The following ATG16L2 variants were observed in gnomAD, a reference collection of about 807,000 sequenced individuals.
ATG16L2 encodes protein Atg16l2.
A neutral mutation model predicts 84.7 loss-of-function variants in ATG16L2; 77 were observed. That is an observed-to-expected ratio of 0.91 (90% CI 0.76 to 1.10). The LOEUF is 1.10. ATG16L2 is among the 50% of genes least tolerant of loss of function. The pLI, the probability that ATG16L2 is intolerant of heterozygous loss-of-function variation, is 0.00. For synonymous variants in ATG16L2, 361 were observed against 342.8 expected, an observed-to-expected ratio of 1.05 and a Z score of -0.59; for missense variants, 782 against 817.6, an observed-to-expected ratio of 0.96 and a Z score of 0.53.
chr11:72,828,592 C>A, intron 15 of ATG16L2, 84 bp downstream of exon 15: 6 of 1,596,810 alleles, frequency 3.8e-6, no homozygotes, highest in African/African-American at 1.3e-5. Context: ...CTCTTGGAGC[C>A]CTCCCTGGAG....
intron 5 of ATG16L2, chr11:72,838,937 C>G (rs1860818854): frequency 2.1e-6 from 3 of 1,445,074 alleles, no homozygotes; most frequent in Middle Eastern, 1.7e-4. Flanking sequence ...GAAGCATCCC[C>G]AAAACCTAAT....
intron 5 of ATG16L2, among the ~76,000 whole-genome samples, chr11:72,842,223 G>A (rs1860978946): frequency 2.0e-5 from 3 of 152,200 alleles, no homozygotes; most frequent in Non-Finnish European, 4.4e-5. Flanking sequence ...GCAGGACCTG[G>A]ACTAGGCAAG....
chr11:72,828,235 G>A lies in ATG16L2; in HGVS notation c.1473-124G>A, dbSNP rs75149850. The A allele has an allele frequency of 7.9e-3, 8,693 of 1,095,510 alleles. 51 individuals carry two copies. Among genetic ancestry groups the A allele is most frequent in the Middle Eastern group, 9.6e-3 (31 of 3,222 alleles). 67.9% of individuals were successfully genotyped at this position (1,095,510 alleles called of 1,614,324 possible). A position where few individuals can be genotyped will look rare whatever the true frequency, so the allele number is the denominator to read the frequency against. On this transcript the variant is annotated intron_variant, in intron 14 of 17. Coordinates refer to ENST00000321297, the MANE Select transcript of ATG16L2 (RefSeq NM_033388.2). ...AGTCACTCGCAGCCTTTACCCCAGCGATCCAGGGCCCTGGGGTTCCTCCGG... is the reference window on the plus strand; with the variant it reads ...AGTCACTCGCAGCCTTTACCCCAGCAATCCAGGGCCCTGGGGTTCCTCCGG...
intron 5 of ATG16L2, among the ~76,000 whole-genome samples, chr11:72,835,903 C>T (rs1344674060): frequency 1.3e-5 from 2 of 152,116 alleles, no homozygotes; most frequent in Non-Finnish European, 2.9e-5. Flanking sequence ...CATGAGCTAC[C>T]ATGCCCAGCC....
chr11:72,819,538 G>A (rs1859860781), intron 3 of ATG16L2, among the ~76,000 whole-genome samples: 1 of 152,164 alleles, frequency 6.6e-6, no homozygotes, highest in African/African-American at 2.4e-5. Flanking sequence ...TGGTTAGTGC[G>A]CTGTAGATCT....
intron 9 of ATG16L2, 38 bp from the exon 10 acceptor site, chr11:72,825,264 G>A (rs184563491): frequency 1.0e-4 from 155 of 1,541,330 alleles, no homozygotes; most frequent in South Asian, 3.7e-4. Flanking sequence ...AGACATGCGC[G>A]GGGAGGGCCG....
chr11:72,828,947 A>G lies in ATG16L2; in HGVS notation c.1735A>G (p.Thr579Ala). 6.2e-7 allele frequency: 1 copy of G among 1,614,012 alleles called. No individual in the cohort carries two copies. Among genetic ancestry groups the G allele is most frequent in the Non-Finnish European group, 8.5e-7 (1 of 1,180,004 alleles). The change falls in exon 17 of 18, where the codon ACC (threonine) becomes GCC (alanine). Residue 579 changes from threonine (T) to alanine (A), a missense_variant. By Grantham distance (58) the Thr-to-Ala change is moderately conservative (BLOSUM62 0). Transcript: ENST00000321297. ...GGCCCTTTACATCTGGGATGTGGAC[A>G]CCGGGAAACTGGAGAGCAGACTACA... is the stretch of plus-strand genomic sequence containing the variant. ...DGALYIWDVD[T>A]GKLESRLQGP...
chr11:72,823,279 T>C (rs573533915), intron 7 of ATG16L2: 3 of 351,082 alleles, frequency 8.5e-6, no homozygotes, highest in South Asian at 8.4e-5. Flanking sequence ...AGCCCAGTCA[T>C]GCCAGGCATG....
At chr11:72,826,303 G>GGTGGGGGCT (rs1244839412) in intron 11 of ATG16L2, 60 bp downstream of exon 11, 1 of 1,565,068 alleles carries the variant, frequency 6.4e-7, no homozygotes, top group East Asian at 2.3e-5. Flanking sequence ...ACACTGGGCA[G>GGTGGGGGCT]GTGGGGGCTG....
In ATG16L2 at chr11:72,822,382, G is replaced by GA; in HGVS notation, c.644+87_644+88insA. On this transcript the variant is annotated intron_variant, in intron 5 of 17. Transcript: ENST00000321297. The surrounding 1 kb of genome is among the most constrained non-coding windows in gnomAD (Gnocchi z 4.2). ...CCTCGCCGGTGTCTGGAAGGGAGGG[G>GA]GGCAGCAGCCGCCCCCTGGAGGAAG... 5 of 1,584,504 alleles carry GA rather than the reference G, an allele frequency of 3.2e-6. No individual in the cohort carries two copies. The Admixed American group carries it at 7.2e-5, about 23-fold the overall frequency.
At chr11:72,828,564 C>T in intron 15 of ATG16L2, 56 bp downstream of exon 15, 2 of 1,610,214 alleles carry the variant, frequency 1.2e-6, no homozygotes, top group Non-Finnish European at 8.5e-7. Flanking sequence ...CTGAGCCTCT[C>T]TTCTCCTGTA....
chr11:72,817,827 AG>A lies in ATG16L2; in HGVS notation c.292del (p.Glu98ArgfsTer128). ...VALRVKWQEEEEGLRLVCGEM... is the reference protein window; with the variant it reads ...VALRVKWQEEXEGLRLVCGEM... ...CTGAGGGTGAAGTGGCAGGAGGAGGAGGAGGGGCTCCGGCTGGTCTGTGGTG... is the reference window on the plus strand; with the variant it reads ...CTGAGGGTGAAGTGGCAGGAGGAGGAGAGGGGCTCCGGCTGGTCTGTGGTG... On this transcript the variant is annotated frameshift_variant, in exon 3 of 18. Coordinates refer to ENST00000321297, the MANE Select transcript of ATG16L2 (RefSeq NM_033388.2). LOFTEE classifies it high-confidence loss of function. 6.2e-7 allele frequency: 1 copy of A among 1,612,616 alleles called. No individual in the cohort carries two copies. The highest frequency in any genetic ancestry group is 8.5e-7 in the Non-Finnish European group (1 of 1,179,984).
At chr11:72,841,495 T>G in intron 5 of ATG16L2, 1 of 1,611,310 alleles carries the variant, frequency 6.2e-7, no homozygotes, top group Non-Finnish European at 8.5e-7. Context: ...GGAGCTCCTC[T>G]TATCTGGGCT....
intron 15 of ATG16L2, 86 bp from the exon 16 acceptor site, chr11:72,828,643 G>A (rs980174369): frequency 1.3e-5 from 21 of 1,596,508 alleles, no homozygotes; most frequent in South Asian, 4.5e-5. Flanking sequence ...CAAACCCCTC[G>A]ACAAAGAGGA....
At chr11:72,841,692 T>A in intron 5 of ATG16L2, 3 of 1,181,646 alleles carry the variant, frequency 2.5e-6, no homozygotes, top group Non-Finnish European at 3.5e-6. Flanking sequence ...CTAAGCTGAT[T>A]GTTGAAACTT....
intron 5 of ATG16L2, chr11:72,841,560 G>T: frequency 6.2e-7 from 1 of 1,609,374 alleles, no homozygotes; most frequent in Non-Finnish European, 8.5e-7. Flanking sequence ...GCAGGGAGGC[G>T]TGTGGCTTGG....
chr11:72,822,142 G>C lies in ATG16L2; in HGVS notation c.491G>C (p.Arg164Pro). The C allele has an allele frequency of 6.7e-7, 1 of 1,501,484 alleles. No homozygotes were observed. The highest frequency in any genetic ancestry group is 8.8e-7 in the Non-Finnish European group (1 of 1,134,802). 93.0% of individuals were successfully genotyped at this position (1,501,484 alleles called of 1,614,324 possible). The change falls in exon 5 of 18, where the codon CGG becomes CCG. Residue 164 changes from arginine (R) to proline (P), a missense_variant. By Grantham distance (103) the Arg-to-Pro change is moderately radical. Transcript: ENST00000321297. The surrounding 1 kb of genome is among the most constrained non-coding windows in gnomAD (Gnocchi z 4.2). ...TGGCGGGCGCAGAATGCGGTGCAGC[G>C]GGCAGCCTACGAGGCGCTGCGCGCG... is the stretch of plus-strand genomic sequence containing the variant. ...EEWRAQNAVQRAAYEALRAHV... is the reference protein window; with the variant it reads ...EEWRAQNAVQPAAYEALRAHV...
chr11:72,823,835 G>A, intron 7 of ATG16L2: 1 of 690,554 alleles, frequency 1.4e-6, no homozygotes, highest in Non-Finnish European at 2.7e-6. Context: ...TTCCCATCAT[G>A]AGGGAGACCT....
chr11:72,817,256 G>A (rs1859750127), intron 2 of ATG16L2, among the ~76,000 whole-genome samples: 1 of 150,958 alleles, frequency 6.6e-6, no homozygotes, highest in Non-Finnish European at 1.5e-5. Flanking sequence ...TTTTTTTTGA[G>A]ACGGAGTCTG....
Sources: allele counts gnomAD v4.1 joint callset (sites outside exome capture counted in the v4.1 genomes callset), GRCh38; gene constraint gnomAD v4.1.1; non-coding constraint Gnocchi (gnomAD v3.1); transcripts MANE v1.5; gene names NCBI Gene and HGNC (gene_info 2026-07-23, HGNC 2026-07-21).